ROBO1: variants seen among roughly 807,000 people sequenced by gnomAD.
ROBO1 encodes roundabout guidance receptor 1.
In ROBO1, 149 loss-of-function variants were observed where a neutral mutation model predicts 195.9. The ratio of observed to expected loss-of-function variants is 0.76; its 90% CI spans 0.67 to 0.87. The LOEUF is 0.87. Among genes scored for constraint, ROBO1 ranks in the 40% least tolerant of loss-of-function variants. The pLI is 0.00. For synonymous variants in ROBO1, 816 were observed against 733.2 expected (o/e 1.11, Z -1.82); for missense variants, 1,933 against 2,068.3 (o/e 0.93, Z 1.27).
At chr3:79,738,696 GA>G (rs755212835) in intron 1 of ROBO1, among the ~76,000 whole-genome samples, 43 of 152,106 alleles carry the variant, frequency 2.8e-4, no homozygotes, top group Non-Finnish European at 3.1e-4. Context: ...AATATGACTT[GA>G]TATTTTTCCA....
chr3:78,689,077 G>C (rs558468496), intron 8 of ROBO1, among the ~76,000 whole-genome samples: 1 of 152,196 alleles, frequency 6.6e-6, no homozygotes, highest in African/African-American at 2.4e-5. Flanking sequence ...AATTTTTTAT[G>C]AACAAATATT....
At chr3:79,558,455 G>A (rs1942792368) in intron 2 of ROBO1, among the ~76,000 whole-genome samples, 1 of 152,156 alleles carries the variant, frequency 6.6e-6, no homozygotes. Context: ...TGAATCGAGT[G>A]TTTATGTTAG....
chr3:79,328,031 A>C (rs1311832806), intron 2 of ROBO1, among the ~76,000 whole-genome samples: 3 of 152,208 alleles, frequency 2.0e-5, no homozygotes, highest in African/African-American at 7.2e-5. Flanking sequence ...CTATTAACCA[A>C]GTATATTTTC....
At chr3:79,148,263 G>A (rs578051837) in intron 2 of ROBO1, among the ~76,000 whole-genome samples, 39 of 151,888 alleles carry the variant, frequency 2.6e-4, no homozygotes, top group Non-Finnish European at 4.1e-4. Context: ...GATGGTAAAC[G>A]GGATTCACAG....
chr3:78,790,501 G>A (rs1052477031), intron 4 of ROBO1, among the ~76,000 whole-genome samples: 34 of 152,122 alleles, frequency 2.2e-4, no homozygotes, highest in Non-Finnish European at 7.4e-5. Flanking sequence ...ATTTTTGAAC[G>A]TACAATTGAA....
rs376319198 is a variant in ROBO1, at chr3:79,730,562, G to A, written c.-51+37190C>T. ...AAAAAAATTTAACCCAAAATGAATG[G>A]ATTGGTGTACCAACAGCTAATAGGT... On this transcript the variant is annotated intron_variant, in intron 1 of 30. Transcript: ENST00000464233. 9.2e-5 allele frequency among the ~76,000 whole-genome samples: 14 copies of A among 152,148 alleles called. No homozygotes were observed. The East Asian group carries it at 1.7e-3, about 19-fold the overall frequency.
At chr3:79,575,047 C>G (rs1050490842) in intron 2 of ROBO1, among the ~76,000 whole-genome samples, 23 of 146,740 alleles carry the variant, frequency 1.6e-4, no homozygotes, top group Non-Finnish European at 2.4e-4. Context: ...TATTTTTTTG[C>G]AATCAGCATA....
At chr3:79,217,339 T>C (rs2082072316) in intron 2 of ROBO1, among the ~76,000 whole-genome samples, 1 of 152,048 alleles carries the variant, frequency 6.6e-6, no homozygotes, top group Admixed American at 6.6e-5. Context: ...TGGTTTCAGA[T>C]ATGCCTTTAT....
At chr3:79,570,080 G>C (rs1943229839) in intron 2 of ROBO1, among the ~76,000 whole-genome samples, 1 of 151,976 alleles carries the variant, frequency 6.6e-6, no homozygotes, top group Non-Finnish European at 1.5e-5. Flanking sequence ...CAGCATGGGT[G>C]AAATGTAAGA....
intron 3 of ROBO1, among the ~76,000 whole-genome samples, chr3:79,003,265 C>G (rs953459202): frequency 6.6e-6 from 1 of 152,096 alleles, no homozygotes; most frequent in African/African-American, 2.4e-5. Context: ...AATGCTCATG[C>G]CTTCTCTGCT....
chr3:79,404,977 T>C (rs2037490718), intron 2 of ROBO1, among the ~76,000 whole-genome samples: 1 of 152,132 alleles, frequency 6.6e-6, no homozygotes, highest in Non-Finnish European at 1.5e-5. Flanking sequence ...TAAAAAATAA[T>C]GGTTTTTAAT....
intron 3 of ROBO1, among the ~76,000 whole-genome samples, chr3:78,973,429 A>G (rs2076812709): frequency 6.8e-6 from 1 of 147,262 alleles, no homozygotes; most frequent in Non-Finnish European, 1.5e-5. Flanking sequence ...ATGAAGCTAT[A>G]TATATATAGA....
At chr3:78,817,807 A>G (rs1272878629) in intron 4 of ROBO1, among the ~76,000 whole-genome samples, 1 of 152,216 alleles carries the variant, frequency 6.6e-6, no homozygotes, top group Non-Finnish European at 1.5e-5. Context: ...CAATGGTCAT[A>G]GTTCCAACTA....
intron 2 of ROBO1, among the ~76,000 whole-genome samples, chr3:79,448,729 C>T (rs1446731230): frequency 6.6e-6 from 1 of 152,078 alleles, no homozygotes; most frequent in Non-Finnish European, 1.5e-5. Context: ...TTTAAAATAC[C>T]TGTCATTGTT....
intron 2 of ROBO1, among the ~76,000 whole-genome samples, chr3:79,240,635 A>G (rs566066033): frequency 6.6e-6 from 1 of 152,010 alleles, no homozygotes; most frequent in African/African-American, 2.4e-5. Context: ...CAGATATAAC[A>G]TTATATTTAT....
chr3:79,545,075 C>T (rs1253933482), intron 2 of ROBO1, among the ~76,000 whole-genome samples: 3 of 151,072 alleles, frequency 2.0e-5, no homozygotes, highest in Non-Finnish European at 4.4e-5. Flanking sequence ...AAATAGTATC[C>T]CTGTAAAAAA....
chr3:78,643,933 G>A (rs1706123631), intron 21 of ROBO1, among the ~76,000 whole-genome samples: 1 of 152,096 alleles, frequency 6.6e-6, no homozygotes, highest in South Asian at 2.1e-4. Context: ...ATGGATACAG[G>A]AGGTCCAAGA....
chr3:79,612,276 G>C (rs1303709758), intron 1 of ROBO1, among the ~76,000 whole-genome samples: 4 of 148,154 alleles, frequency 2.7e-5, no homozygotes, highest in Non-Finnish European at 5.9e-5. Flanking sequence ...GAGAATATGC[G>C]GTGTTTGGTT....
In ROBO1 at chr3:79,560,558, T is replaced by TATACAC. The variant is rs5850439; in HGVS notation, c.88+29265_88+29266insGTGTAT. Among the ~76,000 whole-genome samples the TATACAC allele has an allele frequency of 5.6e-3, 723 of 129,670 alleles. 9 individuals are homozygous for TATACAC. Among genetic ancestry groups the TATACAC allele is most frequent in the African/African-American group, 0.017 (558 of 33,188 alleles). 85.1% of individuals were successfully genotyped at this position (129,670 alleles called of 152,430 possible). A position where few individuals can be genotyped will look rare whatever the true frequency, so the allele number is the denominator to read the frequency against. ...AATTATATATATATATATATATATATACACATACACATACATAAAAAAAAA... is the reference window on the plus strand; with the variant it reads ...AATTATATATATATATATATATATATATACACACACATACACATACATAAAAAAAAA... On this transcript the variant is annotated intron_variant, in intron 2 of 30. Transcript: ENST00000464233.
Sources: allele counts gnomAD v4.1 joint callset (sites outside exome capture counted in the v4.1 genomes callset), GRCh38; gene constraint gnomAD v4.1.1; transcripts MANE v1.5; gene names NCBI Gene and HGNC (gene_info 2026-07-23, HGNC 2026-07-21).